Variants in SARDH observed in about 807,000 individuals in gnomAD.
SARDH encodes the protein sarcosine dehydrogenase, also known as sarcosine dehydrogenase, mitochondrial.
A neutral mutation model predicts 109.1 loss-of-function variants in SARDH; 95 were observed. That is an observed-to-expected ratio of 0.87 (90% CI 0.74 to 1.03). The LOEUF is 1.03. Among genes scored for constraint, SARDH ranks in the 50% least tolerant of loss-of-function variants. SARDH has a pLI of 0.00. For synonymous variants in SARDH, 572 were observed against 534.8 expected (o/e 1.07, Z -0.96); for missense variants, 1,267 against 1,287.8 (o/e 0.98, Z 0.25).
Position 133,693,723 on chromosome 9 carries a change from A to G in SARDH, c.1921+535T>C, listed in dbSNP as rs1467722691. On this transcript the variant is annotated intron_variant, in intron 15 of 20. Transcript: ENST00000439388. This position sits in a 1 kb window ranked among gnomAD's most constrained non-coding sequence, Gnocchi z 5.6. ...TCTGCGTAACAGTTGGGGCTGAGCA[A>G]ACAAGGGATGAAGGTACTGAGCTAC... Among the ~76,000 whole-genome samples, 2 of 152,226 alleles carry G rather than the reference A, an allele frequency of 1.3e-5. No homozygotes were observed. Among genetic ancestry groups the G allele is most frequent in the African/African-American group, 4.8e-5 (2 of 41,462 alleles).
intron 12 of SARDH, chr9:133,703,658 A>G (rs1483451362): frequency 6.6e-6 from 1 of 151,782 alleles, no homozygotes; most frequent in African/African-American, 2.4e-5. Flanking sequence ...CCTGCAGACA[A>G]CCCCCCACCC....
chr9:133,668,272 ACCGTCCCTCT>A (rs1277316495), intron 19 of SARDH, among the ~76,000 whole-genome samples: 3 of 131,352 alleles, frequency 2.3e-5, no homozygotes, highest in African/African-American at 6.1e-5. Flanking sequence ...GGCTCCACTC[ACCGTCCCTCT>A]CCCTCCCTCT....
chr9:133,731,548 C>G (rs1476182151), intron 3 of SARDH, 64 bp from the exon 4 acceptor site: 2 of 1,522,256 alleles, frequency 1.3e-6, no homozygotes, highest in African/African-American at 2.7e-5. Context: ...CACTCCCCTC[C>G]CCAACTGGGC....
Position 133,670,521 on chromosome 9 carries a change from C to T in SARDH, c.2495+63G>A, listed in dbSNP as rs901343024. 9.2e-6 allele frequency: 14 copies of T among 1,513,908 alleles called. No individual in the cohort carries two copies. In the African/African-American group the frequency reaches 9.8e-5, roughly 11 times the overall value. The allele number at this position is 1,513,908 out of a possible 1,614,324, so 93.8% of individuals were successfully genotyped here. ...GGGCTTTGAGTGGGGGACCAAGAAG[C>T]GCCTGCCTGCCCTGGCTGTAGGCAG... is the stretch of plus-strand genomic sequence containing the variant. On this transcript the variant is annotated intron_variant, in intron 19 of 20. Transcript: ENST00000439388.
intron 8 of SARDH, 49 bp downstream of exon 8, chr9:133,717,277 G>A (rs999523280): frequency 8.7e-6 from 14 of 1,607,402 alleles, no homozygotes; most frequent in East Asian, 2.2e-5. Context: ...ACAGTCATCA[G>A]ACCAAAGGAC....
chr9:133,689,772 G>A (rs1831026825), intron 16 of SARDH, among the ~76,000 whole-genome samples: 1 of 152,078 alleles, frequency 6.6e-6, no homozygotes, highest in Admixed American at 6.5e-5. Context: ...CCGAAGCACA[G>A]TCAGAGGGGT....
At chr9:133,720,669 G>T (rs1390821425) in intron 6 of SARDH, among the ~76,000 whole-genome samples, 1 of 152,146 alleles carries the variant, frequency 6.6e-6, no homozygotes, top group Non-Finnish European at 1.5e-5. Context: ...CATGTGCAGG[G>T]GAACTCCCTT....
intron 17 of SARDH, among the ~76,000 whole-genome samples, chr9:133,681,359 C>T (rs145832760): frequency 7.0e-4 from 107 of 152,358 alleles, no homozygotes; most frequent in Middle Eastern, 3.4e-3. Flanking sequence ...GGCCTTGCCC[C>T]ACCCTGTCTG....
intron 10 of SARDH, among the ~76,000 whole-genome samples, chr9:133,710,396 G>A (rs928952585): frequency 4.6e-5 from 7 of 152,172 alleles, no homozygotes; most frequent in African/African-American, 1.2e-4. Context: ...CCTGGTGCCC[G>A]GTCAGCCCTG....
rs773713552 is a variant in SARDH, at chr9:133,733,834, G to A, written c.331+9C>T. On this transcript the variant is annotated intron_variant, in intron 2 of 20. Transcript: ENST00000439388. ...CCTTCCCTGCCCCTACCTGGCCCCCGGTCCCTACCTGCCGTGTGCCAGGTG... is the reference window on the plus strand; with the variant it reads ...CCTTCCCTGCCCCTACCTGGCCCCCAGTCCCTACCTGCCGTGTGCCAGGTG... The A allele has an allele frequency of 3.4e-5, 49 of 1,449,884 alleles. No individual in the cohort carries two copies. The highest frequency in any genetic ancestry group is 4.4e-5 in the South Asian group (3 of 67,720). 89.8% of individuals were successfully genotyped at this position (1,449,884 alleles called of 1,614,324 possible). A position where few individuals can be genotyped will look rare whatever the true frequency, so the allele number is the denominator to read the frequency against.
At chr9:133,681,316 C>T (rs1440789020) in intron 17 of SARDH, among the ~76,000 whole-genome samples, 12 of 152,206 alleles carry the variant, frequency 7.9e-5, no homozygotes, top group Admixed American at 7.8e-4. Flanking sequence ...ACGGGCCACA[C>T]TTTTTTTCTA....
At chr9:133,673,658 G>A (rs557323293) in intron 17 of SARDH, among the ~76,000 whole-genome samples, 93 of 152,352 alleles carry the variant, frequency 6.1e-4, no homozygotes, top group African/African-American at 2.2e-3. Context: ...AAAATATACT[G>A]TTGACATTTC....
chr9:133,675,552 T>C (rs1830487118), intron 17 of SARDH, among the ~76,000 whole-genome samples: 1 of 152,152 alleles, frequency 6.6e-6, no homozygotes, highest in Non-Finnish European at 1.5e-5. Flanking sequence ...TTGGTGAGGA[T>C]GTGGAGAAAC....
At chr9:133,669,462 C>T (rs892324387) in intron 19 of SARDH, among the ~76,000 whole-genome samples, 10 of 151,186 alleles carry the variant, frequency 6.6e-5, no homozygotes, top group East Asian at 2.0e-4. Flanking sequence ...CCCACTTCCC[C>T]GGATACCTGT....
chr9:133,682,086 G>A (rs1339363947), intron 17 of SARDH, among the ~76,000 whole-genome samples: 2 of 152,174 alleles, frequency 1.3e-5, no homozygotes, highest in African/African-American at 4.8e-5. Flanking sequence ...CTCCGACCTG[G>A]TGGGCCCAGC....
At chr9:133,672,896 G>T (rs1302075539) in intron 17 of SARDH, among the ~76,000 whole-genome samples, 1 of 152,226 alleles carries the variant, frequency 6.6e-6, no homozygotes, top group Non-Finnish European at 1.5e-5. Context: ...GGCCTGTGGG[G>T]CTGTGGATAC....
chr9:133,730,115 CACCCGCG>C lies in SARDH; in HGVS notation c.756_762del (p.Ala253TrpfsTer139). 1 of 1,614,232 alleles carries C rather than the reference CACCCGCG, an allele frequency of 6.2e-7. No individual in the cohort carries two copies. ...TGGATGGAACCATGCTGAGTCTCCA[CACCCGCG>C]ACCCGCCGCACCCCAAAATCATCCG... On this transcript the variant is annotated frameshift_variant, in exon 5 of 21. Transcript: ENST00000439388. LOFTEE classifies it high-confidence loss of function.
Position 133,731,441 on chromosome 9 carries a change from G to A in SARDH, c.554C>T (p.Ala185Val). The change falls in exon 4 of 21, where the codon GCA becomes GTA. Residue 185 changes from alanine to valine, a missense_variant. Transcript: ENST00000439388. The stretch of plus-strand genomic sequence containing the variant: ...CAGCGGGTACAGAGTCTTGGTCTCT[G>A]CCGGGCTCAGCACATGGGATTCCAC... ...YGVESHVLSP[A>V]ETKTLYPLMN... The A allele has an allele frequency of 6.2e-7, 1 of 1,614,148 alleles. No homozygotes were observed. The highest frequency in any genetic ancestry group is 8.5e-7 in the Non-Finnish European group (1 of 1,180,006).
intron 15 of SARDH, among the ~76,000 whole-genome samples, chr9:133,691,168 CAACACACA>C (rs1831078950): frequency 1.0e-5 from 1 of 96,544 alleles, no homozygotes; most frequent in African/African-American, 4.1e-5. Context: ...TCACCTCCCC[CAACACACA>C]CACACACACA....
Sources: gnomAD v4.1 joint callset for allele counts (sites outside exome capture counted in the v4.1 genomes callset) on GRCh38, gnomAD v4.1.1 for gene constraint, Gnocchi (gnomAD v3.1) non-coding constraint, MANE v1.5 for transcripts, NCBI Gene and HGNC (gene_info 2026-07-23, HGNC 2026-07-21) for gene names.